The following SYT9 variants were observed in gnomAD, a reference collection of about 807,000 sequenced individuals.
SYT9 encodes the protein synaptotagmin 9.
In SYT9, 22 loss-of-function variants were observed where a neutral mutation model predicts 48.4. The observed-to-expected ratio is 0.45, with a 90% CI of 0.32 to 0.65. SYT9 has a LOEUF of 0.65. Ranked by LOEUF, SYT9 falls within the 30% of genes least tolerant of loss-of-function variation. SYT9 has a pLI of 0.03. For synonymous variants in SYT9, 265 were observed against 245.0 expected, an observed-to-expected ratio of 1.08 and a Z score of -0.76; for missense variants, 577 against 622.0, an observed-to-expected ratio of 0.93 and a Z score of 0.77.
intron 6 of SYT9, among the ~76,000 whole-genome samples, chr11:7,422,960 C>T (rs1159693475): frequency 1.3e-5 from 2 of 152,232 alleles, no homozygotes; most frequent in Non-Finnish European, 2.9e-5. Context: ...CTGTGCTCCA[C>T]AGTTATGTAA....
intron 1 of SYT9, among the ~76,000 whole-genome samples, chr11:7,242,084 T>C (rs528931942): frequency 6.6e-6 from 1 of 152,288 alleles, no homozygotes; most frequent in East Asian, 1.9e-4. Context: ...CAGCACACAG[T>C]ATGTGATGCA....
rs1464467191 is a variant in SYT9 at position 7,468,097 on chromosome 11, A to C, written c.*1297A>C. On this transcript the variant is annotated 3_prime_UTR_variant, in exon 7 of 7. Coordinates refer to ENST00000318881, the MANE Select transcript of SYT9 (RefSeq NM_175733.4). ...TCCCATTATAGGTGCAAGGCACCCC[A>C]TCCACACATTTGCACCACTACTCCA... 1 of 393,682 alleles carries C rather than the reference A, an allele frequency of 2.5e-6. No individual in the cohort carries two copies. Among genetic ancestry groups the C allele is most frequent in the African/African-American group, 2.1e-5 (1 of 48,502 alleles). 24.4% of individuals were successfully genotyped at this position (393,682 alleles called of 1,614,324 possible).
intron 1 of SYT9, among the ~76,000 whole-genome samples, chr11:7,288,873 T>C (rs1303971112): frequency 1.3e-5 from 2 of 152,228 alleles, no homozygotes; most frequent in Non-Finnish European, 1.5e-5. Context: ...GTCTTCATTA[T>C]TCCTGTCTCC....
At chr11:7,457,902 C>G (rs1378898498) in intron 6 of SYT9, 1 of 152,216 alleles carries the variant, frequency 6.6e-6, no homozygotes, top group Non-Finnish European at 1.5e-5. Flanking sequence ...GTCAGCTTAT[C>G]CCAGCAATCT....
upstream of SYT9, among the ~76,000 whole-genome samples, chr11:7,247,438 T>A (rs999697222): frequency 5.3e-5 from 8 of 151,318 alleles, no homozygotes; most frequent in African/African-American, 1.9e-4. Context: ...ATTCATTCCT[T>A]TTTATGGCTG....
chr11:7,385,939 G>A (rs1850649411), intron 3 of SYT9, among the ~76,000 whole-genome samples: 1 of 152,140 alleles, frequency 6.6e-6, no homozygotes, highest in Admixed American at 6.6e-5. Flanking sequence ...ATTATATTTA[G>A]CCTGTAGATA....
chr11:7,433,611 G>C (rs1308589386), intron 6 of SYT9, among the ~76,000 whole-genome samples: 1 of 152,130 alleles, frequency 6.6e-6, no homozygotes, highest in Non-Finnish European at 1.5e-5. Context: ...TTAAGAGATG[G>C]GAAACAATTA....
intron 3 of SYT9, among the ~76,000 whole-genome samples, chr11:7,397,861 A>G (rs755664384): frequency 1.3e-4 from 20 of 152,248 alleles, no homozygotes; most frequent in Middle Eastern, 3.4e-3. Context: ...TGCTAAACTT[A>G]TTTGTTTTAG....
intron 6 of SYT9, among the ~76,000 whole-genome samples, chr11:7,443,146 A>G (rs1462744508): frequency 6.6e-6 from 1 of 152,104 alleles, no homozygotes; most frequent in Non-Finnish European, 1.5e-5. Flanking sequence ...TAACATGTTC[A>G]CCTGAAAAGG....
rs530276588 is a variant in SYT9, at chr11:7,304,073, C to T, written c.497+683C>T. ...TCTCAAGTCAAATGAATTGGCTTTA[C>T]TTACATGTGTGACATTGAACAAATT... is the stretch of plus-strand genomic sequence containing the variant. On this transcript the variant is annotated intron_variant, in intron 2 of 6. Coordinates refer to ENST00000318881, the MANE Select transcript of SYT9 (RefSeq NM_175733.4). 7.9e-5 allele frequency among the ~76,000 whole-genome samples: 12 copies of T among 152,356 alleles called. No homozygotes were observed. In the South Asian group the frequency reaches 8.3e-4, roughly 11 times the overall value.
intron 1 of SYT9, among the ~76,000 whole-genome samples, chr11:7,281,455 C>G (rs1358521509): frequency 6.6e-6 from 1 of 152,238 alleles, no homozygotes; most frequent in Non-Finnish European, 1.5e-5. Context: ...TCTACAAGCC[C>G]TTCAGAATAC....
chr11:7,339,407 G>A (rs1849678990), intron 3 of SYT9, among the ~76,000 whole-genome samples: 1 of 152,098 alleles, frequency 6.6e-6, no homozygotes, highest in African/African-American at 2.4e-5. Context: ...TTGATAGCTG[G>A]TTGTTACGCC....
chr11:7,450,501 A>G (rs1245740078), intron 6 of SYT9: 1 of 152,236 alleles, frequency 6.6e-6, no homozygotes, highest in Middle Eastern at 3.2e-3. Context: ...GCAGCCAACC[A>G]CAAACTCATC....
At chr11:7,321,663 G>A (rs1174108408) in intron 3 of SYT9, among the ~76,000 whole-genome samples, 1 of 152,152 alleles carries the variant, frequency 6.6e-6, no homozygotes, top group African/African-American at 2.4e-5. Flanking sequence ...CAGAGCAGGG[G>A]TAACTCATAG....
Position 7,303,401 on chromosome 11 carries a change from C to T in SYT9, c.497+11C>T, listed in dbSNP as rs756533497. The T allele has an allele frequency of 3.8e-6, 6 of 1,590,258 alleles. No individual in the cohort carries two copies. Among genetic ancestry groups the T allele is most frequent in the Non-Finnish European group, 5.1e-6 (6 of 1,169,156 alleles). ...AACCTCGTCGGCCCGGTCAGTAATG[C>T]CTTCTCCTTTCTGAATGCAAGGAAG... On this transcript the variant is annotated intron_variant, in intron 2 of 6. Transcript: ENST00000318881.
At chr11:7,432,943 TG>T (rs1027923446) in intron 6 of SYT9, among the ~76,000 whole-genome samples, 77 of 152,088 alleles carry the variant, frequency 5.1e-4, no homozygotes, top group African/African-American at 1.8e-3. Context: ...TGGGAGGGGC[TG>T]GGGTGGAATT....
intron 3 of SYT9, among the ~76,000 whole-genome samples, chr11:7,330,484 A>G (rs1021600640): frequency 5.9e-5 from 9 of 152,282 alleles, no homozygotes; most frequent in African/African-American, 1.9e-4. Flanking sequence ...AAATTTAAAA[A>G]TCACTTTTTG....
chr11:7,418,401 C>G (rs370778446), intron 5 of SYT9, among the ~76,000 whole-genome samples: 2 of 152,300 alleles, frequency 1.3e-5, no homozygotes, highest in East Asian at 3.9e-4. Context: ...CCACCTCTTC[C>G]CCTTTTCATC....
intron 1 of SYT9, among the ~76,000 whole-genome samples, chr11:7,239,492 C>A (rs764472084): frequency 1.2e-4 from 18 of 152,184 alleles, no homozygotes; most frequent in Non-Finnish European, 2.2e-4. Flanking sequence ...AATGGTTTTA[C>A]CACAACTGCC....
Sources: allele counts gnomAD v4.1 joint callset (sites outside exome capture counted in the v4.1 genomes callset), GRCh38; gene constraint gnomAD v4.1.1; transcripts MANE v1.5; gene names NCBI Gene and HGNC (gene_info 2026-07-23, HGNC 2026-07-21).